MARK1: variants seen among roughly 807,000 people sequenced by gnomAD.
MARK1 encodes the protein serine/threonine-protein kinase MARK1.
Under a neutral mutation model 96.3 loss-of-function variants are expected in MARK1, and 40 were observed. The observed-to-expected ratio is 0.42, with a 90% CI of 0.32 to 0.54. MARK1 has a LOEUF of 0.54. MARK1 is among the 20% of genes least tolerant of loss of function. The pLI, the probability that MARK1 is intolerant of heterozygous loss-of-function variation, is 0.16. For synonymous variants in MARK1, 317 were observed against 341.2 expected (o/e 0.93, Z 0.78); for missense variants, 719 against 984.6 (o/e 0.73, Z 3.61).
chr1:220,569,656 T>G (rs1430165438), intron 1 of MARK1, among the ~76,000 whole-genome samples: 1 of 152,166 alleles, frequency 6.6e-6, no homozygotes, highest in Non-Finnish European at 1.5e-5. Flanking sequence ...TTGAATAATT[T>G]ATTACTTCTT....
intron 1 of MARK1, among the ~76,000 whole-genome samples, chr1:220,570,650 A>G (rs1373899742): frequency 1.3e-5 from 2 of 152,092 alleles, no homozygotes; most frequent in Non-Finnish European, 2.9e-5. Context: ...TAATTGTTTA[A>G]TATGTTATTG....
At chr1:220,576,295 C>A (rs1039678240) in intron 1 of MARK1, among the ~76,000 whole-genome samples, 4 of 151,662 alleles carry the variant, frequency 2.6e-5, no homozygotes, top group African/African-American at 9.7e-5. Flanking sequence ...TATTTCTCAT[C>A]ATCCTGCTGT....
chr1:220,652,073 G>C lies in MARK1; in HGVS notation c.1659G>C (p.Lys553Asn), dbSNP rs758291672. 6 of 1,613,768 alleles carry C rather than the reference G, an allele frequency of 3.7e-6. No homozygotes were observed. The change falls in exon 15 of 18, where the codon AAG (lysine) becomes AAC (asparagine). Residue 553 changes from lysine (K) to asparagine (N), a missense_variant. Around this residue, in one of 4 missense-constraint regions of MARK1, gnomAD observed 501 missense variants for 588.3 expected, o/e 0.85. Coordinates refer to ENST00000366917, the MANE Select transcript of MARK1 (RefSeq NM_018650.5). ...CCTCAGCACGACCCCGCCACCAGAA[G>C]TCCATGTCCACTTCTGGTCATCCTA... Reference protein sequence around the residue: ...AVPSARPRHQKSMSTSGHPIK... With the variant: ...AVPSARPRHQNSMSTSGHPIK...
rs1292861086 is a variant in MARK1 at position 220,650,739 on chromosome 1, A to G, written c.1571+19A>G. On this transcript the variant is annotated intron_variant, in intron 14 of 17. Transcript: ENST00000366917. ...ACAGCAGGTAAATGCCACAGTGCCA[A>G]GTAGTAATACCTTTGCTGTTGTTCT... is the stretch of plus-strand genomic sequence containing the variant. 6.5e-7 allele frequency: 1 copy of G among 1,545,876 alleles called. No individual in the cohort carries two copies. The highest frequency in any genetic ancestry group is 1.4e-5 in the African/African-American group (1 of 73,568).
At position 220,528,808 on chromosome 1, in the gene MARK1, C is replaced by CG; in HGVS notation, c.-14dup. The CG allele has an allele frequency of 6.4e-7, 1 of 1,551,032 alleles. No individual in the cohort carries two copies. Among genetic ancestry groups the CG allele is most frequent in the Non-Finnish European group, 8.7e-7 (1 of 1,147,342 alleles). The stretch of plus-strand genomic sequence containing the variant: ...GGCCGGCGAGACCCCGGCCAGACCC[C>CG]GCTGCCCGCACAAAATGTCGGCCCG... On this transcript the variant is annotated 5_prime_UTR_variant, in exon 1 of 18. Coordinates refer to ENST00000366917, the MANE Select transcript of MARK1 (RefSeq NM_018650.5).
intron 1 of MARK1, among the ~76,000 whole-genome samples, chr1:220,537,932 T>C (rs1360650581): frequency 9.9e-5 from 15 of 151,956 alleles, no homozygotes; most frequent in African/African-American, 3.4e-4. Flanking sequence ...TTTGATGGGG[T>C]TGTTTGTTTT....
chr1:220,582,075 TATAGC>T (rs1664283270), intron 3 of MARK1, among the ~76,000 whole-genome samples: 1 of 152,220 alleles, frequency 6.6e-6, no homozygotes, highest in Non-Finnish European at 1.5e-5. Flanking sequence ...CTGCTATGAT[TATAGC>T]ATTAGATTAA....
Position 220,618,471 on chromosome 1 carries a change from G to T in MARK1, c.714G>T (p.Val238=). The T allele has an allele frequency of 6.2e-7, 1 of 1,614,140 alleles. No homozygotes were observed. Among genetic ancestry groups the T allele is most frequent in the Non-Finnish European group, 8.5e-7 (1 of 1,180,022 alleles). ...FQGKKYDGPE[V]DVWSLGVILY... ...GAAAGAAGTATGATGGGCCTGAAGT[G>T]GATGTGTGGAGTCTGGGCGTCATTC... is the stretch of plus-strand genomic sequence containing the variant. Residue 238 remains valine (V), a synonymous_variant, in exon 8 of 18, where the codon GTG becomes GTT. Coordinates refer to ENST00000366917, the MANE Select transcript of MARK1 (RefSeq NM_018650.5). The surrounding 1 kb of genome is among the most constrained non-coding windows in gnomAD (Gnocchi z 4.6).
chr1:220,536,762 A>G (rs574609640), intron 1 of MARK1, among the ~76,000 whole-genome samples: 26 of 152,180 alleles, frequency 1.7e-4, no homozygotes, highest in African/African-American at 6.3e-4. Flanking sequence ...TTGTACTTTT[A>G]GTAGAAACAG....
At chr1:220,655,468 C>A (rs987097789) in intron 16 of MARK1, among the ~76,000 whole-genome samples, 1 of 152,164 alleles carries the variant, frequency 6.6e-6, no homozygotes, top group Non-Finnish European at 1.5e-5. Flanking sequence ...ACCTGTCCCT[C>A]CCTCATTCTT....
intron 1 of MARK1, among the ~76,000 whole-genome samples, chr1:220,556,250 A>C (rs1662235066): frequency 6.6e-6 from 1 of 152,178 alleles, no homozygotes; most frequent in Non-Finnish European, 1.5e-5. Context: ...TAGTTGAGGG[A>C]GTTGACAAGG....
intron 1 of MARK1, among the ~76,000 whole-genome samples, chr1:220,552,849 A>G (rs373972027): frequency 1.3e-5 from 2 of 151,332 alleles, no homozygotes; most frequent in South Asian, 4.2e-4. Context: ...CCACCTGCCC[A>G]CTCCACCCCC....
intron 1 of MARK1, among the ~76,000 whole-genome samples, chr1:220,559,038 G>A (rs1662486494): frequency 6.6e-6 from 1 of 152,138 alleles, no homozygotes; most frequent in African/African-American, 2.4e-5. Context: ...AACAGATAAG[G>A]TAAGTAGAAG....
rs1255839908 is a variant in MARK1, at chr1:220,618,961, T to C, written c.909+206T>C. Among the ~76,000 whole-genome samples the C allele has an allele frequency of 1.3e-5, 2 of 152,238 alleles. No individual in the cohort carries two copies. The highest frequency in any genetic ancestry group is 4.8e-5 in the African/African-American group (2 of 41,462). On this transcript the variant is annotated intron_variant, in intron 9 of 17. Coordinates refer to ENST00000366917, the MANE Select transcript of MARK1 (RefSeq NM_018650.5). The surrounding 1 kb of genome is among the most constrained non-coding windows in gnomAD (Gnocchi z 4.6). ...TCTCTAAAAACTATTATTTCCTCTT[T>C]GTTCTGCAGTGCCGTATTAAATAAA... is the stretch of plus-strand genomic sequence containing the variant.
At chr1:220,652,480 T>A (rs1572239527) in intron 15 of MARK1, among the ~76,000 whole-genome samples, 1 of 152,312 alleles carries the variant, frequency 6.6e-6, no homozygotes, top group East Asian at 1.9e-4. Context: ...CACTAGACTG[T>A]GAGTTGAGAC....
chr1:220,646,074 G>A (rs1668560694), intron 13 of MARK1, among the ~76,000 whole-genome samples: 1 of 152,144 alleles, frequency 6.6e-6, no homozygotes, highest in Non-Finnish European at 1.5e-5. Context: ...TCAGGCAAGA[G>A]AAGGAAATAA....
chr1:220,601,220 A>G (rs1665726509), intron 5 of MARK1, among the ~76,000 whole-genome samples: 1 of 151,704 alleles, frequency 6.6e-6, no homozygotes, highest in African/African-American at 2.4e-5. Context: ...GCCTGGCCTC[A>G]TATTTCTAAA....
At chr1:220,536,967 A>G (rs1572038813) in intron 1 of MARK1, among the ~76,000 whole-genome samples, 2 of 148,536 alleles carry the variant, frequency 1.3e-5, no homozygotes, top group Non-Finnish European at 2.9e-5. Flanking sequence ...TAAGTCTCTA[A>G]GTGTATCTAT....
At chr1:220,585,823 CCAGT>C (rs1458957876) in intron 3 of MARK1, among the ~76,000 whole-genome samples, 1 of 152,032 alleles carries the variant, frequency 6.6e-6, no homozygotes, top group African/African-American at 2.4e-5. Context: ...ATTCATTTTC[CCAGT>C]CAATCTATGA....
Sources: gnomAD v4.1 joint callset for allele counts (sites outside exome capture counted in the v4.1 genomes callset) on GRCh38, gnomAD v4.1.1 for gene constraint, gnomAD v4.1.1 regional missense constraint, Gnocchi (gnomAD v3.1) non-coding constraint, MANE v1.5 for transcripts, NCBI Gene and HGNC (gene_info 2026-07-23, HGNC 2026-07-21) for gene names.